Variants in LHFPL2 observed in about 807,000 individuals in gnomAD.
The protein encoded by LHFPL2 is LHFPL tetraspan subfamily member 2.
A neutral mutation model predicts 17.5 loss-of-function variants in LHFPL2; 7 were observed. That is an observed-to-expected ratio of 0.40 (90% CI 0.23 to 0.75). The LOEUF is 0.75. Among genes scored for constraint, LHFPL2 ranks in the 30% least tolerant of loss-of-function variants. The probability of loss-of-function intolerance (pLI) is 0.37; values close to 1 mark genes in which losing one functional copy is unlikely to be tolerated. For synonymous variants in LHFPL2, 134 were observed against 116.2 expected (o/e 1.15, Z -0.99); for missense variants, 241 against 294.8 (o/e 0.82, Z 1.34).
At chr5:78,620,644 T>C (rs974412062) in intron 2 of LHFPL2, among the ~76,000 whole-genome samples, 27 of 152,186 alleles carry the variant, frequency 1.8e-4, no homozygotes, top group Admixed American at 1.5e-3. Context: ...AAGGTTCTAC[T>C]GGCATCTAGT....
At chr5:78,564,338 TA>T (rs1164040074) in intron 3 of LHFPL2, among the ~76,000 whole-genome samples, 5 of 152,242 alleles carry the variant, frequency 3.3e-5, no homozygotes, top group African/African-American at 1.2e-4. Context: ...GAATTAATCA[TA>T]AATCACCTAT....
chr5:78,574,383 T>G lies in LHFPL2; in HGVS notation c.-244-9512A>C, dbSNP rs16875628. Reference sequence around the variant, plus strand: ...CCCTCTAACCCTTCCCTGTGACCCATGGCACACATGTGAGAGCCAGTTGGT... The same window carrying G: ...CCCTCTAACCCTTCCCTGTGACCCAGGGCACACATGTGAGAGCCAGTTGGT... On this transcript the variant is annotated intron_variant, in intron 2 of 4. Transcript: ENST00000380345. Among the ~76,000 whole-genome samples, 1,206 of 152,312 alleles carry G rather than the reference T, an allele frequency of 7.9e-3. 14 individuals carry two copies. The highest frequency in any genetic ancestry group is 0.026 in the African/African-American group (1,068 of 41,574).
intron 3 of LHFPL2, among the ~76,000 whole-genome samples, chr5:78,557,067 T>C (rs1258343974): frequency 6.6e-6 from 1 of 152,090 alleles, no homozygotes; most frequent in Non-Finnish European, 1.5e-5. Flanking sequence ...CATAATAATA[T>C]ATATGTAAGG....
chr5:78,507,067 ACACCT>A (rs1754953737), intron 4 of LHFPL2, among the ~76,000 whole-genome samples: 1 of 152,336 alleles, frequency 6.6e-6, no homozygotes, highest in South Asian at 2.1e-4. Flanking sequence ...TCAGTGGCTC[ACACCT>A]GTAATCCCAG....
rs193034487 is a variant in LHFPL2, at chr5:78,529,609, G to A, written c.-185-19211C>T. 1.1e-4 allele frequency among the ~76,000 whole-genome samples: 17 copies of A among 151,618 alleles called. No individual in the cohort carries two copies. In the East Asian group the frequency reaches 3.3e-3, roughly 29 times the overall value. On this transcript the variant is annotated intron_variant, in intron 3 of 4. Coordinates refer to ENST00000380345, the MANE Select transcript of LHFPL2 (RefSeq NM_005779.3). ...CGAGATTGCGCCACTGCAGTCCGCA[G>A]TCCGGCCTGGGCGACAGAGCGAGAC...
intron 2 of LHFPL2, among the ~76,000 whole-genome samples, chr5:78,581,378 A>C (rs1743131092): frequency 6.6e-6 from 1 of 152,188 alleles, no homozygotes; most frequent in East Asian, 1.9e-4. Context: ...CCAGTTTTCA[A>C]AGGGAATGCT....
intron 4 of LHFPL2, among the ~76,000 whole-genome samples, chr5:78,506,779 G>C (rs888791033): frequency 6.6e-6 from 1 of 152,200 alleles, no homozygotes; most frequent in Non-Finnish European, 1.5e-5. Context: ...GTTCTTTCCT[G>C]TATTTCAGCA....
chr5:78,645,547 C>CGCAT (rs1745836626), intron 1 of LHFPL2, among the ~76,000 whole-genome samples: 1 of 30,464 alleles, frequency 3.3e-5, no homozygotes, highest in Admixed American at 2.9e-4. Context: ...GATGCATACA[C>CGCAT]ACACACACAC....
rs772870359 is a variant in LHFPL2, at chr5:78,487,664, T to A, written c.*1233A>T. The A allele has an allele frequency of 1.3e-5, 2 of 152,194 alleles. No individual in the cohort carries two copies. The highest frequency in any genetic ancestry group is 2.4e-5 in the African/African-American group (1 of 41,446). 9.4% of individuals were successfully genotyped at this position (152,194 alleles called of 1,614,324 possible). A position where few individuals can be genotyped will look rare whatever the true frequency, so the allele number is the denominator to read the frequency against. ...AGATTAAAAACCCCTGAATCCTTAT[T>A]CATAGTGGTATTTGATTCTTTTTGT... On this transcript the variant is annotated 3_prime_UTR_variant, in exon 5 of 5. Coordinates refer to ENST00000380345, the MANE Select transcript of LHFPL2 (RefSeq NM_005779.3).
intron 3 of LHFPL2, among the ~76,000 whole-genome samples, chr5:78,533,988 C>A (rs1160290105): frequency 6.6e-6 from 1 of 152,230 alleles, no homozygotes; most frequent in Non-Finnish European, 1.5e-5. Flanking sequence ...GAGCTTCGTG[C>A]GACCTTCCCG....
chr5:78,584,237 C>T (rs1419102559), intron 2 of LHFPL2, among the ~76,000 whole-genome samples: 15 of 151,856 alleles, frequency 9.9e-5, no homozygotes, highest in South Asian at 2.1e-4. Context: ...AATGTCCTCC[C>T]GTAGCTCGGA....
chr5:78,576,085 G>A (rs1168418352), intron 2 of LHFPL2, among the ~76,000 whole-genome samples: 1 of 152,136 alleles, frequency 6.6e-6, no homozygotes, highest in African/African-American at 2.4e-5. Context: ...CACGAGGTCA[G>A]GATATCGAGA....
intron 4 of LHFPL2, among the ~76,000 whole-genome samples, chr5:78,496,881 C>A (rs1754624265): frequency 6.6e-6 from 1 of 152,096 alleles, no homozygotes; most frequent in Non-Finnish European, 1.5e-5. Context: ...CTCCTTGGTC[C>A]TCTTCCCTAT....
chr5:78,510,132 AG>A lies in LHFPL2; in HGVS notation c.81del (p.Phe28SerfsTer2), dbSNP rs759018280. 6.2e-7 allele frequency: 1 copy of A among 1,613,186 alleles called. No individual in the cohort carries two copies. ...CCGATCAGCCAGTCTGCACTCATGAAGGCAATGAGCTCGGCAAAAGCCACCA... is the reference window on the plus strand; with the variant it reads ...CCGATCAGCCAGTCTGCACTCATGAAGCAATGAGCTCGGCAAAAGCCACCA... ...SIVVAFAELI[A>X]FMSADWLIGK... On this transcript the variant is annotated frameshift_variant, in exon 4 of 5. Transcript: ENST00000380345. LOFTEE classifies it high-confidence loss of function.
intron 2 of LHFPL2, among the ~76,000 whole-genome samples, chr5:78,596,342 C>T (rs940023268): frequency 6.6e-6 from 1 of 152,204 alleles, no homozygotes; most frequent in African/African-American, 2.4e-5. Flanking sequence ...AGAAGGTAAG[C>T]AGCTGCCTAG....
chr5:78,510,494 A>G, intron 3 of LHFPL2, 96 bp from the exon 4 acceptor site: 1 of 426,262 alleles, frequency 2.3e-6, no homozygotes, highest in Non-Finnish European at 4.2e-6. Flanking sequence ...GTGCCCGCAG[A>G]ACCCTGCCAG....
rs562676226 is a variant in LHFPL2 at position 78,517,321 on chromosome 5, C to T, written c.-185-6923G>A. Among the ~76,000 whole-genome samples, 5 of 152,314 alleles carry T rather than the reference C, an allele frequency of 3.3e-5. No homozygotes were observed. The East Asian group carries it at 9.6e-4, about 29-fold the overall frequency. On this transcript the variant is annotated intron_variant, in intron 3 of 4. Transcript: ENST00000380345. Reference sequence around the variant, plus strand: ...TGCCAAGTTTGTTGTTTAATACACCCATCCTGGCCAGTCATAGGTTTCTTT... The same window carrying T: ...TGCCAAGTTTGTTGTTTAATACACCTATCCTGGCCAGTCATAGGTTTCTTT...
intron 2 of LHFPL2, among the ~76,000 whole-genome samples, chr5:78,584,273 T>G (rs1743278397): frequency 6.6e-6 from 1 of 152,234 alleles, no homozygotes; most frequent in African/African-American, 2.4e-5. Context: ...GAAGCCTTCT[T>G]CTCTCAGCTC....
At chr5:78,594,395 G>T (rs1211913849) in intron 2 of LHFPL2, among the ~76,000 whole-genome samples, 1 of 152,144 alleles carries the variant, frequency 6.6e-6, no homozygotes, top group African/African-American at 2.4e-5. Context: ...TGTAATATAC[G>T]CTGTCTAATG....
Sources: gnomAD v4.1 joint callset for allele counts (sites outside exome capture counted in the v4.1 genomes callset) on GRCh38, gnomAD v4.1.1 for gene constraint, MANE v1.5 for transcripts, NCBI Gene and HGNC (gene_info 2026-07-23, HGNC 2026-07-21) for gene names.